The following ENTPD1 variants were observed in gnomAD, a reference collection of about 807,000 sequenced individuals.
ENTPD1 encodes the protein ectonucleoside triphosphate diphosphohydrolase 1, also known as ATP diphosphohydrolase.
A neutral mutation model predicts 57.0 loss-of-function variants in ENTPD1; 33 were observed. The observed-to-expected ratio is 0.58, with a 90% CI of 0.44 to 0.77. The LOEUF (loss-of-function observed/expected upper bound fraction) is 0.77, where lower values mean the gene tolerates loss of function less well. ENTPD1 is among the 30% of genes least tolerant of loss of function. The pLI is 0.00. For synonymous variants in ENTPD1, 202 were observed against 218.8 expected (o/e 0.92, Z 0.68); for missense variants, 501 against 603.4 (o/e 0.83, Z 1.78).
chr10:95,731,781 C>CTTATTTT (rs2097989360), intron 1 of ENTPD1, among the ~76,000 whole-genome samples: 1 of 79,180 alleles, frequency 1.3e-5, no homozygotes, highest in Non-Finnish European at 2.3e-5. Flanking sequence ...AGTGGACATC[C>CTTATTTT]TTTTTTTTTT....
At position 95,867,711 on chromosome 10, in the gene ENTPD1, A is replaced by G; in HGVS notation, c.*1328A>G. Reference sequence around the variant, plus strand: ...GGATTGCTGCAAGAGTTACCTGTTGAGCAGGATTGACTGGTGATGTTTCAT... The same window carrying G: ...GGATTGCTGCAAGAGTTACCTGTTGGGCAGGATTGACTGGTGATGTTTCAT... On this transcript the variant is annotated 3_prime_UTR_variant, in exon 10 of 10. Coordinates refer to ENST00000371205, the MANE Select transcript of ENTPD1 (RefSeq NM_001776.6). 1.0e-6 allele frequency: 1 copy of G among 985,430 alleles called. No individual in the cohort carries two copies. Among genetic ancestry groups the G allele is most frequent in the Non-Finnish European group, 1.2e-6 (1 of 829,950 alleles). The allele number at this position is 985,430 out of a possible 1,614,324, so 61.0% of individuals were successfully genotyped here. A position where few individuals can be genotyped will look rare whatever the true frequency, so the allele number is the denominator to read the frequency against.
At chr10:95,842,772 C>T (rs1021607726) in intron 4 of ENTPD1, among the ~76,000 whole-genome samples, 1 of 151,988 alleles carries the variant, frequency 6.6e-6, no homozygotes, top group Non-Finnish European at 1.5e-5. Flanking sequence ...AGACTGGGCC[C>T]GTATACTCTG....
chr10:95,837,983 CCACACACCCA>C (rs1555301104), intron 2 of ENTPD1, among the ~76,000 whole-genome samples: 5 of 139,882 alleles, frequency 3.6e-5, no homozygotes, highest in African/African-American at 5.4e-5. Context: ...CACACACACA[CCACACACCCA>C]CACACACCCA....
chr10:95,833,210 C>G (rs1267926032), intron 2 of ENTPD1, among the ~76,000 whole-genome samples: 1 of 152,090 alleles, frequency 6.6e-6, no homozygotes, highest in Non-Finnish European at 1.5e-5. Flanking sequence ...GATGGTGTTG[C>G]ACAACAATGT....
chr10:95,754,298 A>T (rs1322931569), upstream of ENTPD1: 1 of 147,986 alleles, frequency 6.8e-6, no homozygotes, highest in Non-Finnish European at 1.5e-5. Context: ...ACAAGAGTAA[A>T]ACTCTTGTCT....
At chr10:95,852,147 T>C (rs922610352) in intron 7 of ENTPD1, among the ~76,000 whole-genome samples, 11 of 152,318 alleles carry the variant, frequency 7.2e-5, no homozygotes, top group South Asian at 6.2e-4. Flanking sequence ...TGGTATCTCA[T>C]TGTGGTTTTG....
At chr10:95,746,997 T>C (rs1014314854) in intron 1 of ENTPD1, among the ~76,000 whole-genome samples, 1 of 152,244 alleles carries the variant, frequency 6.6e-6, no homozygotes, top group Non-Finnish European at 1.5e-5. Context: ...TACTGACTTA[T>C]TATCTTGGTT....
Position 95,876,372 on chromosome 10 carries a change from A to T in ENTPD1, c.*9989A>T. 8.1e-7 allele frequency: 1 copy of T among 1,231,362 alleles called. No individual in the cohort carries two copies. Among genetic ancestry groups the T allele is most frequent in the Non-Finnish European group, 1.0e-6 (1 of 987,742 alleles). 76.3% of individuals were successfully genotyped at this position (1,231,362 alleles called of 1,614,324 possible). A position where few individuals can be genotyped will look rare whatever the true frequency, so the allele number is the denominator to read the frequency against. ...TAATTCTTAGAATGAACTACTCAGC[A>T]CCAATTCTAAGTTTTTCTTGATGGT... On this transcript the variant is annotated 3_prime_UTR_variant, in exon 10 of 10. Transcript: ENST00000371205.
At chr10:95,800,858 A>T (rs1335756384) in intron 1 of ENTPD1, among the ~76,000 whole-genome samples, 1 of 152,042 alleles carries the variant, frequency 6.6e-6, no homozygotes, top group African/African-American at 2.4e-5. Flanking sequence ...TTAAACACAC[A>T]TGTTTTACAA....
intron 7 of ENTPD1, among the ~76,000 whole-genome samples, chr10:95,850,440 T>C (rs1397554539): frequency 1.3e-5 from 2 of 152,180 alleles, no homozygotes; most frequent in East Asian, 1.9e-4. Context: ...GACAGTAATA[T>C]CTACCTCATT....
intron 1 of ENTPD1, among the ~76,000 whole-genome samples, chr10:95,712,809 C>T (rs1417610843): frequency 1.3e-5 from 2 of 152,074 alleles, no homozygotes; most frequent in Non-Finnish European, 2.9e-5. Context: ...CCAAGGTGGG[C>T]AGATCATGAG....
At chr10:95,730,451 T>G (rs922837589) in intron 1 of ENTPD1, among the ~76,000 whole-genome samples, 1 of 152,078 alleles carries the variant, frequency 6.6e-6, no homozygotes, top group African/African-American at 2.4e-5. Flanking sequence ...AATCATAATC[T>G]TGGGCATAAT....
chr10:95,778,531 C>T (rs560237302), intron 1 of ENTPD1, among the ~76,000 whole-genome samples: 1 of 152,150 alleles, frequency 6.6e-6, no homozygotes, highest in African/African-American at 2.4e-5. Context: ...AACTAATATT[C>T]CCTAACTGTT....
At position 95,744,987 on chromosome 10, in the gene ENTPD1, T is replaced by A. The variant is rs548681366; in HGVS notation, c.37+32994T>A. ...TCTCTCTTTAAAGTAAGCAGTTTTTTAAAAAATTTAAATTTTTAAAAATAT... is the reference window on the plus strand; with the variant it reads ...TCTCTCTTTAAAGTAAGCAGTTTTTAAAAAAATTTAAATTTTTAAAAATAT... On this transcript the variant is annotated intron_variant, in intron 1 of 9. Transcript: ENST00000453258. Among the ~76,000 whole-genome samples, 5 of 152,298 alleles carry A rather than the reference T, an allele frequency of 3.3e-5. No homozygotes were observed. In the South Asian group the frequency reaches 8.3e-4, roughly 25 times the overall value.
At chr10:95,828,504 G>A (rs1687066521) in intron 2 of ENTPD1, among the ~76,000 whole-genome samples, 1 of 152,080 alleles carries the variant, frequency 6.6e-6, no homozygotes, top group South Asian at 2.1e-4. Context: ...CACCACCTCT[G>A]GGTCTGTGGA....
intron 1 of ENTPD1, among the ~76,000 whole-genome samples, chr10:95,775,997 T>C (rs2098132484): frequency 6.6e-6 from 1 of 152,210 alleles, no homozygotes; most frequent in Non-Finnish European, 1.5e-5. Context: ...GCTTGTTAGA[T>C]CTTCCTCCAT....
In ENTPD1 at chr10:95,796,944, C is replaced by T. The variant is rs139014660; in HGVS notation, c.17-26293C>T. On this transcript the variant is annotated intron_variant, in intron 1 of 9. Coordinates refer to ENST00000371205, the MANE Select transcript of ENTPD1 (RefSeq NM_001776.6). ...AAAATTAGCCAGGTGCGGTGGTGCACGCCCGTAGTCCCTAGCTACTCAGGA... is the reference window on the plus strand; with the variant it reads ...AAAATTAGCCAGGTGCGGTGGTGCATGCCCGTAGTCCCTAGCTACTCAGGA... 1.6e-4 allele frequency among the ~76,000 whole-genome samples: 24 copies of T among 151,900 alleles called. No individual in the cohort carries two copies. In the East Asian group the frequency reaches 1.9e-3, roughly 12 times the overall value.
chr10:95,751,485 C>T (rs553364882), upstream of ENTPD1, among the ~76,000 whole-genome samples: 6 of 152,016 alleles, frequency 3.9e-5, no homozygotes, highest in East Asian at 7.7e-4. Flanking sequence ...TTTGGGAGGC[C>T]GAGGCAGCCT....
intron 1 of ENTPD1, among the ~76,000 whole-genome samples, chr10:95,736,462 A>C (rs553496923): frequency 6.6e-6 from 1 of 152,212 alleles, no homozygotes. Flanking sequence ...ATGAAAATAC[A>C]TAAAGAAAAA....
Sources: gnomAD v4.1 joint callset for allele counts (sites outside exome capture counted in the v4.1 genomes callset) on GRCh38, gnomAD v4.1.1 for gene constraint, MANE v1.5 for transcripts, NCBI Gene and HGNC (gene_info 2026-07-23, HGNC 2026-07-21) for gene names.